TNRC6A: variants seen among roughly 807,000 people sequenced by gnomAD.
TNRC6A encodes the protein trinucleotide repeat containing adaptor 6A, also known as trinucleotide repeat-containing gene 6A protein.
TNRC6A carries 44 observed loss-of-function variants against 221.2 expected under a neutral mutation model. The ratio of observed to expected loss-of-function variants is 0.20; its 90% CI spans 0.16 to 0.26. The LOEUF (loss-of-function observed/expected upper bound fraction) is 0.26. Ranked by LOEUF, TNRC6A falls within the 10% of genes least tolerant of loss-of-function variation. The pLI, the probability that TNRC6A is intolerant of heterozygous loss-of-function variation, is 1.00. For missense variants in TNRC6A, 2,199 were observed against 2,404.4 expected (o/e 0.91, Z 1.79); for synonymous variants, 847 against 838.5 (o/e 1.01, Z -0.18).
intron 5 of TNRC6A, among the ~76,000 whole-genome samples, chr16:24,780,299 T>G (rs1357757919): frequency 6.6e-6 from 1 of 152,214 alleles, no homozygotes; most frequent in East Asian, 1.9e-4. Flanking sequence ...ATGTGCACAT[T>G]ATTGTTGAAC....
chr16:24,728,352 C>T (rs1443773838), upstream of TNRC6A, among the ~76,000 whole-genome samples: 3 of 152,072 alleles, frequency 2.0e-5, no homozygotes, highest in Admixed American at 1.3e-4. Flanking sequence ...GAGGCTAAGG[C>T]AGGAGAATTG....
At chr16:24,625,785 G>A (rs1158061455) in intron 1 of TNRC6A, among the ~76,000 whole-genome samples, 3 of 150,438 alleles carry the variant, frequency 2.0e-5, no homozygotes, top group Non-Finnish European at 3.0e-5. Flanking sequence ...GGTGGCGGGC[G>A]CTTGTAATCC....
Position 24,789,949 on chromosome 16 carries a change from A to G in TNRC6A, c.1307A>G (p.Lys436Arg), listed in dbSNP as rs1382640202. Reference protein sequence around the residue: ...TCESEVSGTQKVSFSGQPQNI... With the variant: ...TCESEVSGTQRVSFSGQPQNI... ...GAATCTGAAGTAAGTGGTACACAGA[A>G]GGTTTCATTCAGTGGTCAACCTCAA... Residue 436 changes from lysine to arginine, a missense_variant, in exon 6 of 25, where the codon AAG (lysine) becomes AGG (arginine). This residue lies in a region of TNRC6A where 1,405 missense variants were observed against 1,400.2 expected (regional missense o/e 1.00). Coordinates refer to ENST00000395799, the MANE Select transcript of TNRC6A (RefSeq NM_014494.4). 2 of 1,614,062 alleles carry G rather than the reference A, an allele frequency of 1.2e-6. No homozygotes were observed. The highest frequency in any genetic ancestry group is 2.2e-5 in the South Asian group (2 of 91,064).
intron 4 of TNRC6A, among the ~76,000 whole-genome samples, chr16:24,774,347 T>C (rs932266399): frequency 1.3e-5 from 2 of 152,236 alleles, no homozygotes; most frequent in Non-Finnish European, 2.9e-5. Flanking sequence ...ATGTCTTTAC[T>C]GGTTTTAATG....
rs1422761188 is a variant in TNRC6A, at chr16:24,776,976, C to G, written c.207C>G (p.Ala69=). Residue 69 remains alanine (A), a synonymous_variant, in exon 5 of 25, where the codon GCC becomes GCG. Coordinates refer to ENST00000395799, the MANE Select transcript of TNRC6A (RefSeq NM_014494.4). ...IKPSVSQPQP[A]NSNNGTSTAT... ...CCAGTGTAAGCCAGCCTCAGCCTGCCAACTCTAATAACGGCACTTCCACAG... is the reference window on the plus strand; with the variant it reads ...CCAGTGTAAGCCAGCCTCAGCCTGCGAACTCTAATAACGGCACTTCCACAG... The G allele has an allele frequency of 5.0e-6, 8 of 1,614,076 alleles. No individual in the cohort carries two copies. Among genetic ancestry groups the G allele is most frequent in the Middle Eastern group, 1.6e-4 (1 of 6,062 alleles).
At chr16:24,764,687 T>A (rs1316991591) in intron 4 of TNRC6A, among the ~76,000 whole-genome samples, 2 of 152,214 alleles carry the variant, frequency 1.3e-5, no homozygotes, top group South Asian at 2.1e-4. Flanking sequence ...TTGTGAATAA[T>A]GCTGGCATGA....
intron 4 of TNRC6A, among the ~76,000 whole-genome samples, chr16:24,765,753 T>G (rs1202981937): frequency 6.6e-6 from 1 of 152,178 alleles, no homozygotes; most frequent in Non-Finnish European, 1.5e-5. Flanking sequence ...TCCACTTTCA[T>G]GGGAAATAGT....
Position 24,706,577 on chromosome 16 carries a change from G to A in TNRC6A, n.403-44149G>A, listed in dbSNP as rs1192170876. On this transcript the variant is annotated intron_variant and non_coding_transcript_variant, in intron 2 of 2. Coordinates refer to the TNRC6A transcript ENST00000566108. The stretch of plus-strand genomic sequence containing the variant: ...ATACAAAAAATAAAATTAGCCGGGC[G>A]TAGTGGCGGGCGCCTGAAGCAGGAG... Among the ~76,000 whole-genome samples the A allele has an allele frequency of 5.9e-5, 9 of 151,272 alleles. No individual in the cohort carries two copies. In the East Asian group the frequency reaches 7.7e-4, roughly 13 times the overall value.
intron 2 of TNRC6A, among the ~76,000 whole-genome samples, chr16:24,715,299 T>C (rs1339886905): frequency 1.3e-5 from 2 of 152,170 alleles, no homozygotes; most frequent in Admixed American, 1.3e-4. Context: ...GGTCTTGAAC[T>C]TCTGAGCTCA....
At chr16:24,657,283 A>G (rs2054930876) in intron 2 of TNRC6A, among the ~76,000 whole-genome samples, 1 of 144,228 alleles carries the variant, frequency 6.9e-6, no homozygotes, top group South Asian at 2.2e-4. Flanking sequence ...ACACCACTGC[A>G]CTACAGCCTG....
chr16:24,768,243 AAC>A (rs1205011444), intron 4 of TNRC6A, among the ~76,000 whole-genome samples: 1 of 152,020 alleles, frequency 6.6e-6, no homozygotes, highest in African/African-American at 2.4e-5. Context: ...CATCCTGGCT[AAC>A]ACGGTGAAAC....
intron 2 of TNRC6A, chr16:24,663,894 T>G (rs1459005208): frequency 2.2e-6 from 1 of 456,442 alleles, no homozygotes; most frequent in South Asian, 1.5e-5. Context: ...AGCCCTCTTA[T>G]CAGGCAGAAT....
chr16:24,625,737 CAAAAAAAAAAAAAAA>C (rs749882396), intron 1 of TNRC6A, among the ~76,000 whole-genome samples: 19 of 24,052 alleles, frequency 7.9e-4, no homozygotes, highest in African/African-American at 2.4e-3. Flanking sequence ...CGTCTCAAAA[CAAAAAAAAAAAAAAA>C]AAAAAAAAAA....
At chr16:24,629,331 A>G (rs1901210990) in intron 1 of TNRC6A, among the ~76,000 whole-genome samples, 1 of 152,230 alleles carries the variant, frequency 6.6e-6, no homozygotes, top group Non-Finnish European at 1.5e-5. Flanking sequence ...TCCAACAAAC[A>G]GAATCGCTAA....
chr16:24,715,928 G>T (rs948053390), intron 2 of TNRC6A, among the ~76,000 whole-genome samples: 6 of 151,690 alleles, frequency 4.0e-5, no homozygotes, highest in Admixed American at 6.6e-5. Flanking sequence ...GCCCATTCTT[G>T]AGTAGTTTTA....
At chr16:24,660,886 T>C (rs964123183) in intron 2 of TNRC6A, among the ~76,000 whole-genome samples, 10 of 151,422 alleles carry the variant, frequency 6.6e-5, no homozygotes, top group Non-Finnish European at 8.9e-5. Context: ...GGACTACAGG[T>C]GCCCGCCACC....
At position 24,790,963 on chromosome 16, in the gene TNRC6A, G is replaced by T; in HGVS notation, c.2321G>T (p.Gly774Val). The change falls in exon 6 of 25, where the codon GGT (glycine) becomes GTT (valine). Residue 774 changes from glycine (G) to valine (V), a missense_variant. Gly to Val is a moderately radical substitution (Grantham distance 109). Coordinates refer to ENST00000395799, the MANE Select transcript of TNRC6A (RefSeq NM_014494.4). ...GACIDKTSPN[G>V]NDTSSVSGWG... is the part of the protein sequence containing the mutation. Reference sequence around the variant, plus strand: ...TGTATAGATAAGACTAGCCCTAATGGTAATGATACCTCATCTGTATCAGGG... The same window carrying T: ...TGTATAGATAAGACTAGCCCTAATGTTAATGATACCTCATCTGTATCAGGG... The T allele has an allele frequency of 6.2e-7, 1 of 1,610,286 alleles. No homozygotes were observed. Among genetic ancestry groups the T allele is most frequent in the Non-Finnish European group, 8.5e-7 (1 of 1,178,192 alleles).
At chr16:24,688,545 G>A (rs1246133275) in intron 2 of TNRC6A, among the ~76,000 whole-genome samples, 1 of 152,156 alleles carries the variant, frequency 6.6e-6, no homozygotes, top group East Asian at 1.9e-4. Flanking sequence ...CCAGGCCTAA[G>A]TCAATCAGGA....
chr16:24,792,666 C>A (rs1465863002), intron 6 of TNRC6A, among the ~76,000 whole-genome samples: 1 of 109,764 alleles, frequency 9.1e-6, no homozygotes, highest in Non-Finnish European at 1.7e-5. Context: ...CCTAATACTT[C>A]AGATTTTAAA....
Sources: allele counts gnomAD v4.1 joint callset (sites outside exome capture counted in the v4.1 genomes callset), GRCh38; gene constraint gnomAD v4.1.1; regional missense constraint gnomAD v4.1.1; transcripts MANE v1.5; gene names NCBI Gene and HGNC (gene_info 2026-07-23, HGNC 2026-07-21).